TOP6BL: variants seen among roughly 807,000 people sequenced by gnomAD.
The protein encoded by TOP6BL is TOP6B like initiator of meiotic double strand breaks.
chr11:66,762,239 CG>C, the TOP6BL span: 1 of 572,502 alleles, frequency 1.7e-6, no homozygotes, highest in Non-Finnish European at 3.2e-6. Flanking sequence ...GCAGGGGGCC[CG>C]GCCGCAGAAC....
the TOP6BL span, among the ~76,000 whole-genome samples, chr11:66,764,771 G>A: frequency 6.6e-6 from 1 of 151,866 alleles, no homozygotes; most frequent in African/African-American, 2.4e-5. Flanking sequence ...CGAGCCTTGG[G>A]CAGCATGATG....
the TOP6BL span, chr11:66,801,174 T>G: frequency 1.3e-6 from 2 of 1,493,670 alleles, no homozygotes; most frequent in African/African-American, 1.4e-5. Context: ...GGGTAGAAAT[T>G]GGAAATTGTC....
the TOP6BL span, among the ~76,000 whole-genome samples, chr11:66,841,110 A>ATTTTTT: frequency 1.1e-4 from 9 of 84,622 alleles, no homozygotes; most frequent in Non-Finnish European, 1.8e-4. Flanking sequence ...GAGGCCTCTC[A>ATTTTTT]TTTTTTTTTT....
chr11:66,764,678 AAT>A, the TOP6BL span, among the ~76,000 whole-genome samples: 5 of 150,132 alleles, frequency 3.3e-5, no homozygotes, highest in African/African-American at 1.2e-4. Context: ...AAAAAAAAAA[AAT>A]AAAGAAGTGA....
the TOP6BL span, among the ~76,000 whole-genome samples, chr11:66,822,016 G>A: frequency 2.0e-5 from 3 of 152,122 alleles, no homozygotes; most frequent in Admixed American, 6.6e-5. Context: ...AGTTAATAGG[G>A]AAAAATGGCT....
the TOP6BL span, among the ~76,000 whole-genome samples, chr11:66,765,447 A>C: frequency 6.6e-6 from 1 of 152,208 alleles, no homozygotes; most frequent in Non-Finnish European, 1.5e-5. Context: ...ACTGTAGCCT[A>C]AGTCTTCTCT....
chr11:66,841,586 T>C, the TOP6BL span, among the ~76,000 whole-genome samples: 1 of 152,238 alleles, frequency 6.6e-6, no homozygotes, highest in Non-Finnish European at 1.5e-5. Context: ...GAACGATCTT[T>C]CTGAAGTACA....
chr11:66,827,011 C>T, the TOP6BL span, among the ~76,000 whole-genome samples: 49 of 108,572 alleles, frequency 4.5e-4, no homozygotes, highest in East Asian at 0.01. Context: ...GACGGAGTTT[C>T]GCTCTTGTTG....
chr11:66,808,968 C>T, the TOP6BL span, among the ~76,000 whole-genome samples: 4 of 152,004 alleles, frequency 2.6e-5, no homozygotes, highest in Admixed American at 6.6e-5. Flanking sequence ...GTGTGTGTGA[C>T]GGAGTCTCGC....
the TOP6BL span, among the ~76,000 whole-genome samples, chr11:66,821,311 G>A: frequency 2.0e-5 from 3 of 147,414 alleles, no homozygotes; most frequent in African/African-American, 5.0e-5. Context: ...TTTTTGAGAC[G>A]GAGTCTCACT....
chr11:66,744,959 G>A, the TOP6BL span: 1 of 1,245,090 alleles, frequency 8.0e-7, no homozygotes. Flanking sequence ...GACACTTTCT[G>A]AGGAGACGGG....
chr11:66,839,474 G>T, the TOP6BL span, among the ~76,000 whole-genome samples: 2 of 152,186 alleles, frequency 1.3e-5, no homozygotes, highest in Admixed American at 1.3e-4. Flanking sequence ...ACAGTATCTG[G>T]GTCAAGGGAA....
chr11:66,830,176 C>T, the TOP6BL span, among the ~76,000 whole-genome samples: 6 of 152,134 alleles, frequency 3.9e-5, no homozygotes, highest in African/African-American at 1.4e-4. Flanking sequence ...TGTCTCAATA[C>T]ATTTTAAAAG....
At chr11:66,803,950 T>C in the TOP6BL span, 107 of 1,505,434 alleles carry the variant, frequency 7.1e-5, no homozygotes, top group Non-Finnish European at 9.4e-5. Context: ...AAATAATTTC[T>C]TAAGAGGAAA....
At chr11:66,791,664 C>A in the TOP6BL span, among the ~76,000 whole-genome samples, 1 of 152,092 alleles carries the variant, frequency 6.6e-6, no homozygotes, top group African/African-American at 2.4e-5. Context: ...ATAGTAGTTT[C>A]TGCTGTGCAC....
At chr11:66,744,836 G>GCGGCGGCGT in the TOP6BL span, 25 of 1,330,250 alleles carry the variant, frequency 1.9e-5, no homozygotes, top group South Asian at 5.4e-4. Context: ...GGCGGCGGCG[G>GCGGCGGCGT]CGGCGGCGGG....
At chr11:66,820,709 C>G in the TOP6BL span, among the ~76,000 whole-genome samples, 2 of 152,246 alleles carry the variant, frequency 1.3e-5, no homozygotes, top group Non-Finnish European at 2.9e-5. Context: ...TAGACACACT[C>G]TATAGGACCT....
the TOP6BL span, among the ~76,000 whole-genome samples, chr11:66,806,881 T>C: frequency 6.6e-6 from 1 of 152,238 alleles, no homozygotes; most frequent in African/African-American, 2.4e-5. Flanking sequence ...AGGATAGTGA[T>C]GAAGACTATG....
chr11:66,792,197 T>C, the TOP6BL span, among the ~76,000 whole-genome samples: 1 of 152,302 alleles, frequency 6.6e-6, no homozygotes, highest in Middle Eastern at 3.4e-3. Flanking sequence ...AATTATCCTC[T>C]CTGACCTGAC....
Sources: allele counts gnomAD v4.1 joint callset (sites outside exome capture counted in the v4.1 genomes callset), GRCh38; gene constraint gnomAD v4.1.1; transcripts MANE v1.5; gene names NCBI Gene and HGNC (gene_info 2026-07-23, HGNC 2026-07-21).